The following CTNNBL1 variants were observed in gnomAD, a reference collection of about 807,000 sequenced individuals.
The protein encoded by CTNNBL1 is beta-catenin-like protein 1.
Under a neutral mutation model 72.7 loss-of-function variants are expected in CTNNBL1, and 31 were observed. That is an observed-to-expected ratio of 0.43 (90% CI 0.32 to 0.58). CTNNBL1 has a LOEUF of 0.58. Among genes scored for constraint, CTNNBL1 ranks in the 20% least tolerant of loss-of-function variants. CTNNBL1 has a pLI of 0.08. For missense variants in CTNNBL1, 534 were observed against 725.1 expected, an observed-to-expected ratio of 0.74 and a Z score of 3.03; for synonymous variants, 240 against 267.3, an observed-to-expected ratio of 0.90 and a Z score of 1.00.
At chr20:37,734,800 G>T (rs149798104) in intron 2 of CTNNBL1, among the ~76,000 whole-genome samples, 1 of 152,334 alleles carries the variant, frequency 6.6e-6, no homozygotes, top group African/African-American at 2.4e-5. Context: ...AGCTATTGGA[G>T]ATACTGCTGT....
chr20:37,714,397 G>A (rs1429976559), intron 1 of CTNNBL1, among the ~76,000 whole-genome samples: 1 of 152,210 alleles, frequency 6.6e-6, no homozygotes, highest in Non-Finnish European at 1.5e-5. Context: ...CACCTCCCCA[G>A]TTGCCTTTTT....
chr20:37,866,321 G>C (rs1160958268), intron 15 of CTNNBL1, among the ~76,000 whole-genome samples: 1 of 152,186 alleles, frequency 6.6e-6, no homozygotes, highest in Admixed American at 6.5e-5. Context: ...TGCAGGGGTC[G>C]GGGGGAACCA....
intron 10 of CTNNBL1, among the ~76,000 whole-genome samples, chr20:37,784,567 G>A (rs1478335113): frequency 6.6e-6 from 1 of 152,080 alleles, no homozygotes; most frequent in African/African-American, 2.4e-5. Flanking sequence ...ACTGATGACA[G>A]GCTTAACACT....
At chr20:37,826,484 A>G (rs2122781519) in intron 11 of CTNNBL1, among the ~76,000 whole-genome samples, 1 of 152,360 alleles carries the variant, frequency 6.6e-6, no homozygotes, top group South Asian at 2.1e-4. Context: ...AATGGGTTTC[A>G]GTGGACCTAT....
intron 10 of CTNNBL1, among the ~76,000 whole-genome samples, chr20:37,802,235 A>G (rs1414725112): frequency 6.6e-6 from 1 of 152,246 alleles, no homozygotes; most frequent in Non-Finnish European, 1.5e-5. Context: ...TTGCCAAGTG[A>G]AAGAAGCCAG....
chr20:37,799,870 T>A (rs1053175523), intron 10 of CTNNBL1, among the ~76,000 whole-genome samples: 1 of 152,180 alleles, frequency 6.6e-6, no homozygotes, highest in African/African-American at 2.4e-5. Flanking sequence ...CGCTCTCTCT[T>A]TGCCCAGGAT....
Position 37,840,122 on chromosome 20 carries a change from G to C in CTNNBL1, c.1234G>C (p.Ala412Pro). The change falls in exon 12 of 16, where the codon GCT becomes CCT. Residue 412 changes from alanine to proline, a missense_variant. Coordinates refer to ENST00000361383, the MANE Select transcript of CTNNBL1 (RefSeq NM_030877.5). The stretch of plus-strand genomic sequence containing the variant: ...CCCAGAGCATGTCTGTTCGATCCTG[G>C]CTTCCCTCCTGCGGAACCTGAGAGG... ...EHEEHVCSIL[A>P]SLLRNLRGQQ... 6.2e-7 allele frequency: 1 copy of C among 1,613,716 alleles called. No homozygotes were observed.
At chr20:37,841,901 G>A (rs895466814) in intron 12 of CTNNBL1, among the ~76,000 whole-genome samples, 8 of 152,154 alleles carry the variant, frequency 5.3e-5, no homozygotes, top group African/African-American at 1.7e-4. Context: ...TTTAAAAAAA[G>A]ATCAGCTCTG....
At chr20:37,845,462 G>C (rs1377604881) in intron 13 of CTNNBL1, among the ~76,000 whole-genome samples, 1 of 152,246 alleles carries the variant, frequency 6.6e-6, no homozygotes, top group Non-Finnish European at 1.5e-5. Flanking sequence ...CTGTCTCCTT[G>C]ATGCCAAGGC....
intron 12 of CTNNBL1, among the ~76,000 whole-genome samples, chr20:37,841,017 C>T (rs897873442): frequency 6.6e-6 from 1 of 152,158 alleles, no homozygotes; most frequent in Non-Finnish European, 1.5e-5. Flanking sequence ...GTATGCCAGA[C>T]GATAGGATTT....
chr20:37,751,867 T>A lies in CTNNBL1; in HGVS notation c.466+5260T>A, dbSNP rs189518494. Among the ~76,000 whole-genome samples, 26 of 152,372 alleles carry A rather than the reference T, an allele frequency of 1.7e-4. No homozygotes were observed. The East Asian group carries it at 4.2e-3, about 25-fold the overall frequency. The stretch of plus-strand genomic sequence containing the variant: ...AGCTGTTATTTTGCTAGGAGCTATA[T>A]TTGTCTTGATATTTCCAGAATTAAA... On this transcript the variant is annotated intron_variant, in intron 4 of 15. Transcript: ENST00000361383.
At chr20:37,799,445 GCA>G (rs1443505224) in intron 10 of CTNNBL1, among the ~76,000 whole-genome samples, 2 of 152,150 alleles carry the variant, frequency 1.3e-5, no homozygotes, top group African/African-American at 4.8e-5. Context: ...ACACACCTTT[GCA>G]CATGCTGTAC....
intron 11 of CTNNBL1, among the ~76,000 whole-genome samples, chr20:37,833,211 G>A (rs2072226430): frequency 6.6e-6 from 1 of 152,136 alleles, no homozygotes; most frequent in Non-Finnish European, 1.5e-5. Flanking sequence ...CCTCCTTCCA[G>A]CTCTGAAAAT....
Position 37,836,787 on chromosome 20 carries a change from A to G in CTNNBL1, c.1214-3315A>G, listed in dbSNP as rs970937888. Among the ~76,000 whole-genome samples the G allele has an allele frequency of 1.1e-4, 17 of 152,328 alleles. No homozygotes were observed. The East Asian group carries it at 2.7e-3, about 24-fold the overall frequency. The stretch of plus-strand genomic sequence containing the variant: ...AAGTTTGAGTTCTGCCTCTTCCACC[A>G]ATTAGCTCTGTGGACAAGTCACTTC... On this transcript the variant is annotated intron_variant, in intron 11 of 15. Transcript: ENST00000361383.
intron 15 of CTNNBL1, among the ~76,000 whole-genome samples, chr20:37,868,785 G>A (rs995058055): frequency 2.6e-4 from 39 of 152,112 alleles, no homozygotes; most frequent in African/African-American, 9.4e-4. Context: ...AGGGAAGCCG[G>A]CTTTACTGTT....
At chr20:37,721,834 T>A (rs1458351281) in intron 1 of CTNNBL1, among the ~76,000 whole-genome samples, 2 of 152,226 alleles carry the variant, frequency 1.3e-5, no homozygotes, top group Non-Finnish European at 2.9e-5. Context: ...CTTGTGTATA[T>A]GTGTGAGCAT....
intron 9 of CTNNBL1, among the ~76,000 whole-genome samples, chr20:37,778,508 G>A (rs2073595655): frequency 6.6e-6 from 1 of 152,082 alleles, no homozygotes; most frequent in Admixed American, 6.5e-5. Flanking sequence ...TGAGATTATT[G>A]ATCTTCTTGT....
At chr20:37,705,937 T>G (rs2072881334) in intron 1 of CTNNBL1, among the ~76,000 whole-genome samples, 1 of 152,244 alleles carries the variant, frequency 6.6e-6, no homozygotes, top group Non-Finnish European at 1.5e-5. Flanking sequence ...CTTGGAGATA[T>G]TAAGGGTTTG....
At chr20:37,791,763 G>C (rs2073728112) in intron 10 of CTNNBL1, among the ~76,000 whole-genome samples, 1 of 152,170 alleles carries the variant, frequency 6.6e-6, no homozygotes, top group Admixed American at 6.5e-5. Context: ...AGCGATCTAA[G>C]TTGTGCACCC....
Sources: gnomAD v4.1 joint callset for allele counts (sites outside exome capture counted in the v4.1 genomes callset) on GRCh38, gnomAD v4.1.1 for gene constraint, MANE v1.5 for transcripts, NCBI Gene and HGNC (gene_info 2026-07-23, HGNC 2026-07-21) for gene names.